TST: variants seen among roughly 807,000 people sequenced by gnomAD.
TST encodes epididymis secretory sperm binding protein.
Under a neutral mutation model 20.4 loss-of-function variants are expected in TST, and 22 were observed. The observed-to-expected ratio is 1.08, with a 90% CI of 0.77 to 1.54. The LOEUF (loss-of-function observed/expected upper bound fraction) is 1.54. Among genes scored for constraint, TST ranks in the 40% most tolerant of loss-of-function variants. The pLI is 0.00. For missense variants in TST, 392 were observed against 405.2 expected (o/e 0.97, Z 0.28); for synonymous variants, 187 against 173.8 (o/e 1.08, Z -0.60).
upstream of TST, chr22:37,019,746 C>A: frequency 3.8e-6 from 2 of 531,180 alleles, no homozygotes; most frequent in Non-Finnish European, 5.6e-6. Flanking sequence ...TGGGCTGTGC[C>A]GGAGTCTCCT....
chr22:37,020,069 C>T, upstream of TST: 3 of 212,180 alleles, frequency 1.4e-5, no homozygotes, highest in Non-Finnish European at 1.8e-5. Flanking sequence ...TGGCGAGTGG[C>T]GGGTGGGGAG....
chr22:37,018,160 G>C lies in TST; in HGVS notation c.573C>G (p.Thr191=), dbSNP rs990243736. The C allele has an allele frequency of 4.5e-6, 7 of 1,563,160 alleles. No individual in the cohort carries two copies. The East Asian group carries it at 1.6e-4, about 35-fold the overall frequency. Residue 191 remains threonine (T), a synonymous_variant, in exon 2 of 3, where the codon ACC becomes ACG. Transcript: ENST00000249042. The part of the protein sequence containing the change: ...DSRSQGRFLG[T]EPEPDAVGLD... Reference sequence around the variant, plus strand: ...TACCTACTGCATCCGGCTCCGGCTCGGTGCCCAGGAACCGCCCTTGAGACC... The same window carrying C: ...TACCTACTGCATCCGGCTCCGGCTCCGTGCCCAGGAACCGCCCTTGAGACC...
Position 37,018,591 on chromosome 22 carries a change from A to G in TST, c.142T>C (p.Tyr48His), listed in dbSNP as rs1414841052. The change falls in exon 2 of 3, where the codon TAC (tyrosine) becomes CAC (histidine). Residue 48 changes from tyrosine (Y) to histidine (H), a missense_variant. Tyr to His is a moderately conservative substitution (Grantham distance 83). Transcript: ENST00000249042. ...SPGTREARKE[Y>H]LERHVPGASF... is the part of the protein sequence containing the mutation. ...GCGCCGGGTACGTGGCGCTCGAGGT[A>G]CTCCTTGCGGGCCTCTCGGGTGCCT... 3.2e-6 allele frequency: 5 copies of G among 1,563,220 alleles called. No individual in the cohort carries two copies.
At chr22:37,014,616 G>C (rs1388413142) in intron 2 of TST, among the ~76,000 whole-genome samples, 2 of 152,182 alleles carry the variant, frequency 1.3e-5, no homozygotes, top group African/African-American at 4.8e-5. Flanking sequence ...CATTGCTGGG[G>C]GAGCCCAGGC....
At position 37,017,178 on chromosome 22, in the gene TST, G is replaced by A. The variant is rs377300598; in HGVS notation, c.595+960C>T. ...TCAGCAGGAGTGATGGCAGCGAGAC[G>A]GCAGTCCTGCCTCTAGAAAAGGGAA... On this transcript the variant is annotated intron_variant, in intron 2 of 2. Transcript: ENST00000249042. 5.9e-5 allele frequency among the ~76,000 whole-genome samples: 9 copies of A among 152,284 alleles called. No individual in the cohort carries two copies. In the South Asian group the frequency reaches 6.2e-4, roughly 11 times the overall value.
chr22:37,018,970 C>A (rs1251679021), intron 1 of TST: 5 of 438,672 alleles, frequency 1.1e-5, no homozygotes, highest in Non-Finnish European at 1.2e-5. Context: ...GGGGGCCCAG[C>A]GCAGAAGCGG....
At chr22:37,014,326 C>T (rs1371905514) in intron 2 of TST, among the ~76,000 whole-genome samples, 1 of 152,140 alleles carries the variant, frequency 6.6e-6, no homozygotes, top group Non-Finnish European at 1.5e-5. Flanking sequence ...GCCAAGATCG[C>T]ACCACTGCAC....
At chr22:37,011,368 T>G (rs1389131263) in intron 2 of TST, 43 bp from the exon 3 acceptor site, 2 of 1,567,118 alleles carry the variant, frequency 1.3e-6, no homozygotes, top group Admixed American at 1.7e-5. Flanking sequence ...GTATGAGGGG[T>G]GGGGACTAAT....
chr22:37,011,045 T>C lies in TST; in HGVS notation c.876A>G (p.Gly292=). The change falls in exon 3 of 3, where the codon GGA becomes GGG. Residue 292 remains glycine (G), a synonymous_variant. Transcript: ENST00000249042. ...TCACGGCTCAGGCCTTCTCAGACTT[T>C]CCCTGGGACACACGGCTCTCTGGGG... is the stretch of plus-strand genomic sequence containing the variant. ...RAPPESRVSQ[G]KSEKA 1 of 1,610,002 alleles carries C rather than the reference T, an allele frequency of 6.2e-7. No individual in the cohort carries two copies. The highest frequency in any genetic ancestry group is 8.5e-7 in the Non-Finnish European group (1 of 1,178,674).
chr22:37,019,735 G>T, upstream of TST: 1 of 477,576 alleles, frequency 2.1e-6, no homozygotes, highest in Non-Finnish European at 3.2e-6. Context: ...GGCCGCGGCG[G>T]TGGGCTGTGC....
chr22:37,013,844 C>CTGTTT (rs16363), intron 2 of TST, among the ~76,000 whole-genome samples: 87,854 of 151,378 alleles, frequency 0.58, 26,816 homozygotes, highest in African/African-American at 0.77. Context: ...GGGTTGAATC[C>CTGTTT]TGTTTTGTTG....
intron 2 of TST, among the ~76,000 whole-genome samples, chr22:37,016,709 C>T (rs989397409): frequency 4.6e-5 from 7 of 152,274 alleles, no homozygotes; most frequent in South Asian, 2.1e-4. Flanking sequence ...GGGCTGCAGG[C>T]GTTCCCAGCC....
At chr22:37,016,933 C>A (rs1250904214) in intron 2 of TST, among the ~76,000 whole-genome samples, 4 of 152,230 alleles carry the variant, frequency 2.6e-5, no homozygotes, top group East Asian at 1.9e-4. Flanking sequence ...ACCGTTCAGG[C>A]CCTCCAGCTC....
At chr22:37,012,654 G>A (rs191318375) in intron 2 of TST, among the ~76,000 whole-genome samples, 201 of 152,314 alleles carry the variant, frequency 1.3e-3, no homozygotes, top group African/African-American at 4.4e-3. Context: ...GGAGGGGAAG[G>A]ATCTGACTAG....
In TST at chr22:37,015,237, G is replaced by T. The variant is rs546974912; in HGVS notation, c.595+2901C>A. Among the ~76,000 whole-genome samples, 5 of 152,344 alleles carry T rather than the reference G, an allele frequency of 3.3e-5. No homozygotes were observed. In the South Asian group the frequency reaches 1.0e-3, roughly 32 times the overall value. On this transcript the variant is annotated intron_variant, in intron 2 of 2. Coordinates refer to ENST00000249042, the MANE Select transcript of TST (RefSeq NM_003312.6). ...GCCTGCCTCCCCTTGCAGGGCTGCT[G>T]TAGGTGTCCAGAAGAGACTATATAA...
At chr22:37,012,757 C>A (rs529500521) in intron 2 of TST, among the ~76,000 whole-genome samples, 1 of 152,338 alleles carries the variant, frequency 6.6e-6, no homozygotes, top group African/African-American at 2.4e-5. Flanking sequence ...GGACAAAACC[C>A]CACCTAGGCC....
chr22:37,016,377 G>A (rs1482502342), intron 2 of TST, among the ~76,000 whole-genome samples: 1 of 152,140 alleles, frequency 6.6e-6, no homozygotes, highest in Non-Finnish European at 1.5e-5. Flanking sequence ...TGGCTGAGCT[G>A]AAATGAGAAT....
Position 37,011,105 on chromosome 22 carries a change from G to C in TST, c.816C>G (p.Tyr272Ter), listed in dbSNP as rs375756604. The C allele has an allele frequency of 6.2e-7, 1 of 1,613,510 alleles. No homozygotes were observed. Among genetic ancestry groups the C allele is most frequent in the East Asian group, 2.2e-5 (1 of 44,884 alleles). ...GAAACCACTCGGACCAGGAGCCATC[G>C]TACACGGCCACATCAGGCTTGCCGC... ...YLCGKPDVAV[Y>*]DGSWSEWFRR... is the part of the protein sequence containing the mutation. Residue 272 changes from tyrosine to a stop codon, truncating the protein, a stop_gained, in exon 3 of 3, where the codon TAC becomes TAG. Transcript: ENST00000249042. LOFTEE classifies it high-confidence loss of function.
intron 2 of TST, among the ~76,000 whole-genome samples, chr22:37,017,412 G>C (rs1384195716): frequency 6.6e-6 from 1 of 152,178 alleles, no homozygotes; most frequent in African/African-American, 2.4e-5. Context: ...GTGCGTCCTG[G>C]TTTATAGCCC....
Sources: allele counts gnomAD v4.1 joint callset (sites outside exome capture counted in the v4.1 genomes callset), GRCh38; gene constraint gnomAD v4.1.1; transcripts MANE v1.5; gene names NCBI Gene and HGNC (gene_info 2026-07-23, HGNC 2026-07-21).